The following MEAK7 variants were observed in gnomAD, a reference collection of about 807,000 sequenced individuals.
The protein encoded by MEAK7 is MTOR-associated protein MEAK7.
MEAK7 carries 68 observed loss-of-function variants against 40.5 expected under a neutral mutation model. The observed-to-expected ratio is 1.68, with a 90% CI of 1.38 to 2.06. The LOEUF (loss-of-function observed/expected upper bound fraction) is 2.06. Among genes scored for constraint, MEAK7 ranks in the 30% most tolerant of loss-of-function variants. The pLI is 0.00. For missense variants in MEAK7, 918 were observed against 580.5 expected (o/e 1.58, Z -5.98); for synonymous variants, 338 against 231.9 (o/e 1.46, Z -4.16).
chr16:84,497,718 T>C, intron 2 of MEAK7: 3 of 1,402,098 alleles, frequency 2.1e-6, no homozygotes, highest in Non-Finnish European at 2.9e-6. Context: ...TCTATGGCTA[T>C]TTTCACACAG....
chr16:84,480,139 G>T lies in MEAK7; in HGVS notation c.1258-113C>A, dbSNP rs1001091617. The stretch of plus-strand genomic sequence containing the variant: ...GGAATCAGGCTCCGGTTCCCCCTAA[G>T]GCCCCTCCCACTCTGGGATTCAGTG... On this transcript the variant is annotated intron_variant, in intron 7 of 7. Transcript: ENST00000343629. 3.6e-6 allele frequency: 3 copies of T among 826,962 alleles called. No individual in the cohort carries two copies. The African/African-American group carries it at 5.2e-5, about 14-fold the overall frequency. 51.2% of individuals were successfully genotyped at this position (826,962 alleles called of 1,614,324 possible).
chr16:84,479,947 C>T lies in MEAK7; in HGVS notation c.1337G>A (p.Ser446Asn), dbSNP rs774278432. 14 of 1,610,298 alleles carry T rather than the reference C, an allele frequency of 8.7e-6. No individual in the cohort carries two copies. The East Asian group carries it at 2.7e-4, about 31-fold the overall frequency. Residue 446 changes from serine (S) to asparagine (N), a missense_variant, in exon 8 of 8, where the codon AGC becomes AAC. Physicochemically the swap from Ser to Asn is conservative, Grantham distance 46. Coordinates refer to ENST00000343629, the MANE Select transcript of MEAK7 (RefSeq NM_020947.4). ...GTCCGGGACTTCCCGGAGCCCTTCGCTGTGGCGCGAATGCCCACTGATCTC... is the reference window on the plus strand; with the variant it reads ...GTCCGGGACTTCCCGGAGCCCTTCGTTGTGGCGCGAATGCCCACTGATCTC... Reference protein sequence around the residue: ...LLEISGHSRHSEGLREVPDDE With the variant: ...LLEISGHSRHNEGLREVPDDE
chr16:84,485,553 C>T (rs138537126), intron 5 of MEAK7, among the ~76,000 whole-genome samples: 7 of 152,312 alleles, frequency 4.6e-5, no homozygotes, highest in Non-Finnish European at 7.4e-5. Context: ...CAAAGGCAAA[C>T]CCTGGGGATG....
intron 6 of MEAK7, 151 bp downstream of exon 6, chr16:84,482,441 C>T (rs1032071610): frequency 2.8e-5 from 37 of 1,302,230 alleles, no homozygotes; most frequent in Non-Finnish European, 3.5e-5. Flanking sequence ...CCCCCAGCAC[C>T]GGCCCTGGAA....
chr16:84,492,519 A>T (rs998538595), intron 3 of MEAK7, among the ~76,000 whole-genome samples: 2 of 151,882 alleles, frequency 1.3e-5, no homozygotes, highest in Non-Finnish European at 2.9e-5. Flanking sequence ...TGGCTAAATG[A>T]CTTATTTTAC....
At chr16:84,501,088 C>A (rs568143414) in intron 1 of MEAK7, among the ~76,000 whole-genome samples, 23 of 104,646 alleles carry the variant, frequency 2.2e-4, no homozygotes, top group African/African-American at 7.6e-4. Context: ...GAGTTAGACT[C>A]GTCTCAAAAA....
intron 5 of MEAK7, among the ~76,000 whole-genome samples, chr16:84,484,745 C>T (rs760132769): frequency 4.6e-5 from 7 of 152,184 alleles, no homozygotes; most frequent in Non-Finnish European, 7.3e-5. Flanking sequence ...ATTTCCAGGA[C>T]AAGCGGACAG....
intron 4 of MEAK7, among the ~76,000 whole-genome samples, chr16:84,488,843 T>G (rs1913317443): frequency 6.6e-6 from 1 of 152,072 alleles, no homozygotes; most frequent in Non-Finnish European, 1.5e-5. Context: ...AAAGAAGATC[T>G]CGAATCAATA....
chr16:84,487,383 A>C, intron 4 of MEAK7: 1 of 299,230 alleles, frequency 3.3e-6, no homozygotes, highest in African/African-American at 2.2e-5. Flanking sequence ...GGAAAATTTC[A>C]CATGGGGCTT....
intron 1 of MEAK7, chr16:84,500,104 G>C (rs866393090): frequency 3.9e-5 from 6 of 152,180 alleles, no homozygotes; most frequent in Admixed American, 1.3e-4. Flanking sequence ...ATTTAGCATC[G>C]TGTTTTTGAG....
intron 1 of MEAK7, among the ~76,000 whole-genome samples, chr16:84,501,633 A>C (rs2150651411): frequency 6.6e-6 from 1 of 152,236 alleles, no homozygotes; most frequent in East Asian, 1.9e-4. Flanking sequence ...CCAGGCTGGC[A>C]ACGCCACTTT....
At position 84,482,131 on chromosome 16, in the gene MEAK7, T is replaced by G. The variant is rs1912610923; in HGVS notation, c.1077+461A>C. On this transcript the variant is annotated intron_variant, in intron 6 of 7. Transcript: ENST00000343629. The stretch of plus-strand genomic sequence containing the variant: ...GCTTCCCCCTGCTTCCTGTGCCATG[T>G]CACCAAGCTGAAGCGAGGGCTGGAC... Among the ~76,000 whole-genome samples the G allele has an allele frequency of 2.0e-5, 3 of 151,940 alleles. No homozygotes were observed. In the South Asian group the frequency reaches 6.2e-4, roughly 32 times the overall value.
chr16:84,480,790 G>T, intron 6 of MEAK7, 82 bp from the exon 7 acceptor site: 1 of 1,462,026 alleles, frequency 6.8e-7, no homozygotes, highest in East Asian at 2.5e-5. Flanking sequence ...CCAGCCTCTC[G>T]CCTTAAGTAC....
rs1567488020 is a variant in MEAK7, at chr16:84,482,730, A to G, written c.959-20T>C. ...TGTCCCCTGAAAGTAGCCAGAGAAC[A>G]AAACAAACAGGGTCGGTGTCTGAGC... On this transcript the variant is annotated intron_variant, in intron 5 of 7. Transcript: ENST00000343629. The G allele has an allele frequency of 6.2e-7, 1 of 1,613,668 alleles. No homozygotes were observed. Among genetic ancestry groups the G allele is most frequent in the Non-Finnish European group, 8.5e-7 (1 of 1,179,768 alleles).
intron 7 of MEAK7, among the ~76,000 whole-genome samples, chr16:84,480,281 T>G (rs1254852817): frequency 6.6e-6 from 1 of 152,058 alleles, no homozygotes; most frequent in East Asian, 1.9e-4. Flanking sequence ...GCAGAGAGAA[T>G]GAAGGGCCAC....
Position 84,486,779 on chromosome 16 carries a change from A to T in MEAK7, c.810T>A (p.Phe270Leu). 1 of 1,614,004 alleles carries T rather than the reference A, an allele frequency of 6.2e-7. No individual in the cohort carries two copies. The highest frequency in any genetic ancestry group is 2.2e-5 in the East Asian group (1 of 44,882). ...AGCTGTGTCCATGGAGCTCAGACGA[A>T]AAGAGCAGGCACCAGCGGTGCCGCT... is the stretch of plus-strand genomic sequence containing the variant. ...REQRHRWCLL[F>L]SSELHGHSFS... Residue 270 changes from phenylalanine (F) to leucine (L), a missense_variant, in exon 5 of 8, where the codon TTT becomes TTA. By Grantham distance (22) the Phe-to-Leu change is conservative. Transcript: ENST00000343629.
chr16:84,501,296 G>T (rs906632522), intron 1 of MEAK7, among the ~76,000 whole-genome samples: 1 of 151,990 alleles, frequency 6.6e-6, no homozygotes, highest in Non-Finnish European at 1.5e-5. Flanking sequence ...CAAGAGCGTT[G>T]GGATCAGCGA....
At position 84,480,702 on chromosome 16, in the gene MEAK7, C is replaced by A. The variant is rs767393474; in HGVS notation, c.1084G>T (p.Gly362Trp). Reference protein sequence around the residue: ...QQTIPNGLGMGGQHNYFGLWV... With the variant: ...QQTIPNGLGMWGQHNYFGLWV... ...AGCCCAAAGTAATTGTGCTGCCCCCCCATACCCTGCAAAGGAAGCCAGGAC... is the reference window on the plus strand; with the variant it reads ...AGCCCAAAGTAATTGTGCTGCCCCCACATACCCTGCAAAGGAAGCCAGGAC... Residue 362 changes from glycine (G) to tryptophan (W), a missense_variant, in exon 7 of 8, where the codon GGG (glycine) becomes TGG (tryptophan). Coordinates refer to ENST00000343629, the MANE Select transcript of MEAK7 (RefSeq NM_020947.4). 1.8e-5 allele frequency: 29 copies of A among 1,611,154 alleles called. No homozygotes were observed. The highest frequency in any genetic ancestry group is 2.3e-5 in the Non-Finnish European group (27 of 1,178,646).
chr16:84,491,296 G>A (rs922955119), intron 3 of MEAK7, among the ~76,000 whole-genome samples: 1 of 152,114 alleles, frequency 6.6e-6, no homozygotes, highest in Non-Finnish European at 1.5e-5. Flanking sequence ...AATTAACTTT[G>A]GGAGGCCAAG....
Sources: allele counts gnomAD v4.1 joint callset (sites outside exome capture counted in the v4.1 genomes callset), GRCh38; gene constraint gnomAD v4.1.1; transcripts MANE v1.5; gene names NCBI Gene and HGNC (gene_info 2026-07-23, HGNC 2026-07-21).